Variants in KCNMA1 observed in about 807,000 individuals in gnomAD.
KCNMA1 encodes potassium calcium-activated channel subfamily M alpha 1, also known as Calcium-activated potassium channel subunit alpha-1.
A neutral mutation model predicts 140.0 loss-of-function variants in KCNMA1; 29 were observed. That is an observed-to-expected ratio of 0.21 (90% CI 0.15 to 0.28). KCNMA1 has a LOEUF of 0.28. KCNMA1 is among the 10% of genes least tolerant of loss of function. KCNMA1 has a pLI of 1.00. For synonymous variants in KCNMA1, 612 were observed against 611.9 expected (o/e 1.00, Z 0.00); for missense variants, 880 against 1,602.2 (o/e 0.55, Z 7.70).
At chr10:76,999,442 AC>A (rs1307973768) in intron 19 of KCNMA1, among the ~76,000 whole-genome samples, 2 of 152,106 alleles carry the variant, frequency 1.3e-5, no homozygotes, top group African/African-American at 2.4e-5. Flanking sequence ...CAGAAGAGTA[AC>A]CCGGGGGCTT....
At position 77,286,766 on chromosome 10, in the gene KCNMA1, CGGGGG is replaced by C. The variant is rs59896024; in HGVS notation, c.541-35515_541-35511del. On this transcript the variant is annotated intron_variant, in intron 2 of 27. Coordinates refer to ENST00000286628, the MANE Select transcript of KCNMA1 (RefSeq NM_001161352.2). ...ACTAGGGACGGTGTGTGTGTGTGTG[CGGGGG>C]GGGGGGGGGGGTTCCATTCTTACTT... 2.2e-3 allele frequency among the ~76,000 whole-genome samples: 297 copies of C among 136,744 alleles called. 6 individuals are homozygous for C. The highest frequency in any genetic ancestry group is 7.0e-3 in the East Asian group (24 of 3,426). 89.7% of individuals were successfully genotyped at this position (136,744 alleles called of 152,430 possible).
At chr10:77,193,449 C>T (rs2039303773) in intron 3 of KCNMA1, among the ~76,000 whole-genome samples, 1 of 152,190 alleles carries the variant, frequency 6.6e-6, no homozygotes, top group South Asian at 2.1e-4. Context: ...TCACTCGTTC[C>T]ACTCCCTCCA....
At chr10:77,091,663 T>G (rs189729163) in intron 9 of KCNMA1, 3 of 152,386 alleles carry the variant, frequency 2.0e-5, no homozygotes, top group Admixed American at 2.0e-4. Flanking sequence ...GGGCAGGTGG[T>G]GAACATGCAG....
rs1219473547 is a variant in KCNMA1, at chr10:77,001,472, G to A, written c.2201C>T (p.Thr734Ile). Reference protein sequence around the residue: ...MSGRVRGNVDTLERAFPLSSV... With the variant: ...MSGRVRGNVDILERAFPLSSV... ...AGAAAGTGGGAAGGCTCTCTCAAGGGTGTCCACGTTACCACGCACACGGCC... is the reference window on the plus strand; with the variant it reads ...AGAAAGTGGGAAGGCTCTCTCAAGGATGTCCACGTTACCACGCACACGGCC... Residue 734 changes from threonine (T) to isoleucine (I), a missense_variant, in exon 19 of 28, where the codon ACC becomes ATC. This residue lies in a region of KCNMA1 where 196 missense variants were observed against 233.0 expected (regional missense o/e 0.84). Coordinates refer to ENST00000286628, the MANE Select transcript of KCNMA1 (RefSeq NM_001161352.2). 4 of 1,551,878 alleles carry A rather than the reference G, an allele frequency of 2.6e-6. No homozygotes were observed. The highest frequency in any genetic ancestry group is 2.6e-6 in the Non-Finnish European group (3 of 1,146,994).
chr10:77,421,627 A>G (rs1245140738), intron 1 of KCNMA1, among the ~76,000 whole-genome samples: 2 of 152,196 alleles, frequency 1.3e-5, no homozygotes, highest in African/African-American at 2.4e-5. Context: ...ATTTCATACC[A>G]TTTCATGTTT....
rs868054555 is a variant in KCNMA1, at chr10:77,431,724, G to A, written c.379-27701C>T. ...AAAAAAAAAAAAAAAAAGGCCGGGA[G>A]CGGTGGCTCACGCCTGTAATCCCAA... On this transcript the variant is annotated intron_variant, in intron 1 of 27. Transcript: ENST00000286628. Among the ~76,000 whole-genome samples the A allele has an allele frequency of 4.7e-5, 7 of 148,656 alleles. No homozygotes were observed. The South Asian group carries it at 1.3e-3, about 27-fold the overall frequency.
chr10:77,077,503 G>A (rs2096436491), intron 13 of KCNMA1, among the ~76,000 whole-genome samples: 1 of 152,202 alleles, frequency 6.6e-6, no homozygotes, highest in Non-Finnish European at 1.5e-5. Context: ...CGGCTGAGCT[G>A]CTTTGAGTTG....
Position 77,007,538 on chromosome 10 carries a change from C to T in KCNMA1, c.2092+4429G>A, listed in dbSNP as rs80279870. 4.1e-3 allele frequency among the ~76,000 whole-genome samples: 625 copies of T among 151,652 alleles called. 8 individuals are homozygous for T. Among genetic ancestry groups the T allele is most frequent in the Admixed American group, 0.018 (278 of 15,232 alleles). On this transcript the variant is annotated intron_variant, in intron 18 of 27. Transcript: ENST00000286628. ...CACTTCTCATACAGAGAAGCATGTA[C>T]TGCAATAAATACATCACTCTATGGA...
chr10:77,406,072 G>A (rs35806), intron 1 of KCNMA1, among the ~76,000 whole-genome samples: 87,069 of 152,050 alleles, frequency 0.57, 25,090 homozygotes, highest in African/African-American at 0.62. Flanking sequence ...GGCCCAGGAG[G>A]GGGAGGCCAC....
intron 1 of KCNMA1, among the ~76,000 whole-genome samples, chr10:77,619,037 A>G (rs2090507020): frequency 1.3e-5 from 2 of 152,190 alleles, no homozygotes. Context: ...GTTAAGAGGA[A>G]CCTAGAAAGA....
chr10:77,052,947 T>C (rs1226114217), intron 14 of KCNMA1, among the ~76,000 whole-genome samples: 1 of 152,252 alleles, frequency 6.6e-6, no homozygotes, highest in Non-Finnish European at 1.5e-5. Context: ...AAATACCTTA[T>C]TAAAGTATTC....
intron 1 of KCNMA1, among the ~76,000 whole-genome samples, chr10:77,619,006 G>A (rs1479429203): frequency 1.3e-5 from 2 of 152,190 alleles, no homozygotes; most frequent in African/African-American, 4.8e-5. Flanking sequence ...AAGTGGCTGG[G>A]TGTGGAGAGC....
chr10:77,183,317 T>C (rs190063796), intron 5 of KCNMA1, 104 bp downstream of exon 5: 23 of 791,346 alleles, frequency 2.9e-5, no homozygotes, highest in African/African-American at 2.9e-4. Context: ...CATTAATACA[T>C]ACAACATTGT....
chr10:77,533,820 A>C (rs1340002048), intron 1 of KCNMA1, among the ~76,000 whole-genome samples: 1 of 152,138 alleles, frequency 6.6e-6, no homozygotes, highest in African/African-American at 2.4e-5. Flanking sequence ...GGAGGCTATA[A>C]ATGTGTGACT....
intron 9 of KCNMA1, among the ~76,000 whole-genome samples, chr10:77,106,202 G>A (rs1264308426): frequency 6.6e-6 from 1 of 151,946 alleles, no homozygotes; most frequent in African/African-American, 2.4e-5. Context: ...GCAGGGTCAG[G>A]AACAGTGGGG....
At chr10:77,437,555 C>T (rs1384280922) in intron 1 of KCNMA1, among the ~76,000 whole-genome samples, 1 of 152,106 alleles carries the variant, frequency 6.6e-6, no homozygotes, top group African/African-American at 2.4e-5. Context: ...CAGAACAAGT[C>T]ACCAAGGGGA....
chr10:77,459,218 C>T (rs1167502332), intron 1 of KCNMA1, among the ~76,000 whole-genome samples: 1 of 152,182 alleles, frequency 6.6e-6, no homozygotes, highest in Non-Finnish European at 1.5e-5. Flanking sequence ...CAATCACCAG[C>T]CCTTCCTGCA....
intron 2 of KCNMA1, among the ~76,000 whole-genome samples, chr10:77,296,873 G>A (rs2075251533): frequency 6.9e-6 from 1 of 144,304 alleles, no homozygotes; most frequent in South Asian, 2.3e-4. Flanking sequence ...CTGCTCCAAA[G>A]AGATTATAAA....
chr10:77,054,793 A>G (rs2095487830), intron 14 of KCNMA1, among the ~76,000 whole-genome samples: 1 of 152,242 alleles, frequency 6.6e-6, no homozygotes, highest in Admixed American at 6.5e-5. Flanking sequence ...GGCTGCCTAA[A>G]TTGATCTCAG....
Sources: allele counts gnomAD v4.1 joint callset (sites outside exome capture counted in the v4.1 genomes callset), GRCh38; gene constraint gnomAD v4.1.1; regional missense constraint gnomAD v4.1.1; transcripts MANE v1.5; gene names NCBI Gene and HGNC (gene_info 2026-07-23, HGNC 2026-07-21).